Variants in B3GALT1 observed in about 807,000 individuals in gnomAD.
The protein encoded by B3GALT1 is UDP-Gal:betaGlcNAc beta 1,3-galactosyltransferase, polypeptide 1.
B3GALT1 carries 10 observed loss-of-function variants against 23.2 expected under a neutral mutation model. The observed-to-expected ratio is 0.43, with a 90% CI of 0.27 to 0.73. B3GALT1 has a LOEUF of 0.73. Among genes scored for constraint, B3GALT1 ranks in the 30% least tolerant of loss-of-function variants. The pLI is 0.21. For missense variants in B3GALT1, 299 were observed against 405.4 expected (o/e 0.74, Z 2.25); for synonymous variants, 156 against 141.5 (o/e 1.10, Z -0.73).
intron 3 of B3GALT1, among the ~76,000 whole-genome samples, chr2:167,731,575 C>T (rs1349546345): frequency 6.6e-6 from 1 of 152,168 alleles, no homozygotes; most frequent in East Asian, 1.9e-4. Flanking sequence ...TACAGTACTA[C>T]CAGTCTATCT....
At chr2:167,307,520 G>A (rs1316282380) in intron 1 of B3GALT1, among the ~76,000 whole-genome samples, 1 of 151,976 alleles carries the variant, frequency 6.6e-6, no homozygotes, top group African/African-American at 2.4e-5. Context: ...TATTTTCTAA[G>A]AGTGCACTAA....
chr2:167,665,683 T>C (rs1376047179), intron 3 of B3GALT1, among the ~76,000 whole-genome samples: 1 of 152,182 alleles, frequency 6.6e-6, no homozygotes, highest in East Asian at 1.9e-4. Flanking sequence ...CTTCCTGGTT[T>C]AGTCTTGGGA....
intron 4 of B3GALT1, among the ~76,000 whole-genome samples, chr2:167,839,061 A>G (rs1689564395): frequency 6.6e-6 from 1 of 152,096 alleles, no homozygotes; most frequent in African/African-American, 2.4e-5. Flanking sequence ...ACAAACCCAC[A>G]GCCAATATCA....
intron 1 of B3GALT1, among the ~76,000 whole-genome samples, chr2:167,466,001 C>T (rs539235389): frequency 1.3e-5 from 2 of 152,166 alleles, no homozygotes; most frequent in East Asian, 3.9e-4. Flanking sequence ...CTAAGTCAGT[C>T]ACAGGTTTTG....
At chr2:167,364,163 CAAAAAAAAAAAA>C (rs34314925) in intron 1 of B3GALT1, among the ~76,000 whole-genome samples, 1 of 63,152 alleles carries the variant, frequency 1.6e-5, no homozygotes, top group Non-Finnish European at 3.1e-5. Flanking sequence ...GACTCCATCT[CAAAAAAAAAAAA>C]AAAAAAAAAA....
intron 1 of B3GALT1, among the ~76,000 whole-genome samples, chr2:167,299,999 T>C (rs773130025): frequency 3.3e-5 from 5 of 151,950 alleles, no homozygotes; most frequent in Non-Finnish European, 7.4e-5. Context: ...TCCTCCCGGG[T>C]TCAAGCAATT....
At chr2:167,466,767 C>T (rs1044782817) in intron 1 of B3GALT1, among the ~76,000 whole-genome samples, 3 of 150,998 alleles carry the variant, frequency 2.0e-5, no homozygotes, top group Non-Finnish European at 4.4e-5. Context: ...GGCTGGAGTG[C>T]AGTGGTGTGA....
intron 2 of B3GALT1, among the ~76,000 whole-genome samples, chr2:167,582,301 T>G (rs1684499517): frequency 6.6e-6 from 1 of 152,228 alleles, no homozygotes; most frequent in Non-Finnish European, 1.5e-5. Flanking sequence ...TGTTGTTGTC[T>G]GCCTTGGGTT....
intron 2 of B3GALT1, among the ~76,000 whole-genome samples, chr2:167,579,432 C>CTTTTTTTTTTTTTTTTT (rs71395297): frequency 1.2e-4 from 13 of 109,030 alleles, no homozygotes; most frequent in East Asian, 3.8e-4. Context: ...TTTTTTTTGT[C>CTTTTTTTTTTTTTTTTT]TTTTTTTTTT....
chr2:167,318,931 G>C (rs1204858834), intron 1 of B3GALT1, among the ~76,000 whole-genome samples: 1 of 152,110 alleles, frequency 6.6e-6, no homozygotes, highest in East Asian at 1.9e-4. Flanking sequence ...GAGCCTGCAG[G>C]GGCCCATTCC....
At chr2:167,446,681 C>T (rs552395427) in intron 1 of B3GALT1, among the ~76,000 whole-genome samples, 1 of 152,278 alleles carries the variant, frequency 6.6e-6, no homozygotes, top group African/African-American at 2.4e-5. Flanking sequence ...GCATGCATCA[C>T]GTAGTTCTCG....
chr2:167,465,903 T>C (rs868732049), intron 1 of B3GALT1, among the ~76,000 whole-genome samples: 8 of 151,964 alleles, frequency 5.3e-5, no homozygotes, highest in Non-Finnish European at 8.8e-5. Flanking sequence ...TTTTTTTTTT[T>C]CCCCCTCCAT....
chr2:167,495,229 A>G (rs1046800407), intron 2 of B3GALT1, among the ~76,000 whole-genome samples: 1 of 151,362 alleles, frequency 6.6e-6, no homozygotes, highest in Non-Finnish European at 1.5e-5. Context: ...AACAACCTTC[A>G]TGTTGATGGG....
At chr2:167,779,696 C>G (rs1287147031) in intron 3 of B3GALT1, among the ~76,000 whole-genome samples, 2 of 152,166 alleles carry the variant, frequency 1.3e-5, no homozygotes, top group African/African-American at 4.8e-5. Flanking sequence ...CTCTGCAGTT[C>G]AGTGCACAGG....
At chr2:167,485,934 T>C (rs1398356519) in intron 1 of B3GALT1, among the ~76,000 whole-genome samples, 3 of 152,158 alleles carry the variant, frequency 2.0e-5, no homozygotes, top group African/African-American at 7.2e-5. Context: ...AGACTGAAGG[T>C]CGTGATATCT....
chr2:167,849,583 A>G (rs1441862238), intron 4 of B3GALT1, among the ~76,000 whole-genome samples: 1 of 152,214 alleles, frequency 6.6e-6, no homozygotes, highest in Non-Finnish European at 1.5e-5. Flanking sequence ...AATCAGCTCA[A>G]GATGGATTAA....
intron 2 of B3GALT1, among the ~76,000 whole-genome samples, chr2:167,515,795 G>T (rs1424134698): frequency 6.6e-6 from 1 of 151,978 alleles, no homozygotes; most frequent in Non-Finnish European, 1.5e-5. Flanking sequence ...TATTTACCTA[G>T]TGAATCTTCT....
chr2:167,317,500 A>C (rs770164788), intron 1 of B3GALT1, among the ~76,000 whole-genome samples: 4 of 152,104 alleles, frequency 2.6e-5, no homozygotes, highest in Non-Finnish European at 4.4e-5. Context: ...CGGTCTGGTG[A>C]GCTTCTTACA....
At chr2:167,553,389 C>T (rs890910479) in intron 2 of B3GALT1, among the ~76,000 whole-genome samples, 1 of 152,170 alleles carries the variant, frequency 6.6e-6, no homozygotes, top group Non-Finnish European at 1.5e-5. Context: ...CCCTTCTTTT[C>T]ACATGAGGAA....
Sources: gnomAD v4.1 joint callset for allele counts (sites outside exome capture counted in the v4.1 genomes callset) on GRCh38, gnomAD v4.1.1 for gene constraint, MANE v1.5 for transcripts, NCBI Gene and HGNC (gene_info 2026-07-23, HGNC 2026-07-21) for gene names.